Variants in KIAA0825 observed in about 807,000 individuals in gnomAD.
KIAA0825 encodes the protein KIAA0825, also known as uncharacterized protein KIAA0825.
In KIAA0825, 119 loss-of-function variants were observed where a neutral mutation model predicts 147.6. The ratio of observed to expected loss-of-function variants is 0.81; its 90% confidence interval spans 0.69 to 0.94. The LOEUF (loss-of-function observed/expected upper bound fraction) is 0.94, where lower values mean the gene tolerates loss of function less well. Among genes scored for constraint, KIAA0825 ranks in the 40% least tolerant of loss-of-function variants. The probability of loss-of-function intolerance (pLI) is 0.00; values close to 1 mark genes in which losing one functional copy is unlikely to be tolerated. For missense variants in KIAA0825, 1,381 were observed against 1,472.7 expected (o/e 0.94, Z 1.02); for synonymous variants, 470 against 518.1 (o/e 0.91, Z 1.26).
At chr5:94,550,652 C>T (rs940892791) in intron 2 of KIAA0825, among the ~76,000 whole-genome samples, 1 of 152,206 alleles carries the variant, frequency 6.6e-6, no homozygotes, top group Non-Finnish European at 1.5e-5. Flanking sequence ...GCCATCCTGG[C>T]TAACACAGTG....
At chr5:94,430,465 A>G (rs1755519583) in intron 14 of KIAA0825, among the ~76,000 whole-genome samples, 1 of 152,302 alleles carries the variant, frequency 6.6e-6, no homozygotes, top group South Asian at 2.1e-4. Flanking sequence ...ATAGACTTTC[A>G]AGAAATAATG....
intron 2 of KIAA0825, among the ~76,000 whole-genome samples, chr5:94,546,659 G>C (rs1016641157): frequency 1.3e-5 from 2 of 151,936 alleles, no homozygotes; most frequent in African/African-American, 4.8e-5. Flanking sequence ...AAGATTGCAA[G>C]AACCATAGTG....
At chr5:94,326,671 C>G (rs1050359784) in intron 20 of KIAA0825, among the ~76,000 whole-genome samples, 1 of 152,210 alleles carries the variant, frequency 6.6e-6, no homozygotes, top group Non-Finnish European at 1.5e-5. Context: ...AGACACAATA[C>G]TGGTATTCCT....
At chr5:94,600,000 T>TA (rs1384248058) in intron 1 of KIAA0825, among the ~76,000 whole-genome samples, 3 of 152,226 alleles carry the variant, frequency 2.0e-5, no homozygotes, top group African/African-American at 7.2e-5. Context: ...AACTCAATTT[T>TA]AAAATGGCCA....
At chr5:94,439,015 G>C (rs1442573278) in intron 14 of KIAA0825, among the ~76,000 whole-genome samples, 2 of 152,194 alleles carry the variant, frequency 1.3e-5, no homozygotes, top group African/African-American at 4.8e-5. Flanking sequence ...TGGAAGCCAA[G>C]TTGTTTATGG....
chr5:94,550,841 C>CA (rs1312611163), intron 2 of KIAA0825, among the ~76,000 whole-genome samples: 712 of 70,838 alleles, frequency 0.01, 7 homozygotes, highest in African/African-American at 0.029. Flanking sequence ...GACTCTATGT[C>CA]AAAAAAAAAA....
intron 20 of KIAA0825, among the ~76,000 whole-genome samples, chr5:94,356,763 C>T (rs1187619372): frequency 4.3e-5 from 5 of 116,220 alleles, no homozygotes; most frequent in South Asian, 2.7e-4. Flanking sequence ...CTCGCTCTGT[C>T]GCCCACGCTG....
intron 16 of KIAA0825, among the ~76,000 whole-genome samples, chr5:94,400,154 G>A (rs907977676): frequency 2.6e-5 from 4 of 152,092 alleles, no homozygotes; most frequent in African/African-American, 9.7e-5. Context: ...GGTGAAGGCT[G>A]TTGTTGAAAT....
At chr5:94,346,972 C>T (rs1325823789) in intron 20 of KIAA0825, among the ~76,000 whole-genome samples, 2 of 152,090 alleles carry the variant, frequency 1.3e-5, no homozygotes, top group African/African-American at 4.8e-5. Flanking sequence ...GTTGTCGGGT[C>T]ATGATGGGAG....
intron 20 of KIAA0825, among the ~76,000 whole-genome samples, chr5:94,227,438 C>T (rs896005268): frequency 1.1e-4 from 16 of 151,916 alleles, no homozygotes; most frequent in African/African-American, 3.4e-4. Context: ...AGGAGATATA[C>T]TTAATGCTAA....
At chr5:94,317,236 G>C (rs940179283) in intron 20 of KIAA0825, among the ~76,000 whole-genome samples, 1 of 151,754 alleles carries the variant, frequency 6.6e-6, no homozygotes, top group African/African-American at 2.4e-5. Context: ...CCATTTCCCT[G>C]ATGGAAATAA....
At chr5:94,499,590 G>T (rs369168884) in intron 5 of KIAA0825, among the ~76,000 whole-genome samples, 12 of 147,338 alleles carry the variant, frequency 8.1e-5, no homozygotes, top group Admixed American at 6.8e-4. Context: ...CAATCTGGGG[G>T]GGGGGGGGGA....
chr5:94,352,634 G>A (rs549876604), intron 20 of KIAA0825, among the ~76,000 whole-genome samples: 12 of 152,286 alleles, frequency 7.9e-5, no homozygotes, highest in East Asian at 5.8e-4. Context: ...GTTTATAGCC[G>A]CACAATTCAC....
At chr5:94,154,223 T>C in intron 20 of KIAA0825, 99 bp from the exon 21 acceptor site, 1 of 743,416 alleles carries the variant, frequency 1.3e-6, no homozygotes, top group Non-Finnish European at 2.3e-6. Context: ...GCTTATTGAG[T>C]CATCTGTCTC....
intron 20 of KIAA0825, among the ~76,000 whole-genome samples, chr5:94,168,129 C>A (rs1318164845): frequency 2.0e-5 from 3 of 151,428 alleles, no homozygotes; most frequent in Admixed American, 2.0e-4. Context: ...ATAATTATGT[C>A]CAAACTCAAT....
At chr5:94,250,448 C>T (rs1166791605) in intron 20 of KIAA0825, among the ~76,000 whole-genome samples, 1 of 152,042 alleles carries the variant, frequency 6.6e-6, no homozygotes, top group East Asian at 1.9e-4. Context: ...TAATCTTCCA[C>T]AAAGTTAATA....
chr5:94,176,821 A>G (rs1769146569), intron 20 of KIAA0825, among the ~76,000 whole-genome samples: 1 of 152,166 alleles, frequency 6.6e-6, no homozygotes, highest in Non-Finnish European at 1.5e-5. Context: ...TGTTTTATAC[A>G]ACAGAAACAG....
In KIAA0825 at chr5:94,403,644, C is replaced by T. The variant is rs1751678449; in HGVS notation, c.2812G>A (p.Asp938Asn). ...ETNLNKHIVP[D>N]CLLESMPKEW... ...TTTGGCATGCTCTCAAGCAAACAATCAGGAACAATGTGCTTGTTTAGGTTT... is the reference window on the plus strand; with the variant it reads ...TTTGGCATGCTCTCAAGCAAACAATTAGGAACAATGTGCTTGTTTAGGTTT... The change falls in exon 16 of 21, where the codon GAT becomes AAT. Residue 938 changes from aspartate to asparagine, a missense_variant. Asp to Asn is a conservative substitution (Grantham distance 23, BLOSUM62 1). Transcript: ENST00000682413. 6.4e-7 allele frequency: 1 copy of T among 1,551,430 alleles called. No individual in the cohort carries two copies. The highest frequency in any genetic ancestry group is 2.0e-5 in the Admixed American group (1 of 50,976).
At chr5:94,542,977 C>T (rs1180018579) in intron 2 of KIAA0825, among the ~76,000 whole-genome samples, 6 of 152,080 alleles carry the variant, frequency 3.9e-5, no homozygotes, top group African/African-American at 1.4e-4. Context: ...GAACTGGCCT[C>T]ATACCTTGTC....
Sources: allele counts gnomAD v4.1 joint callset (sites outside exome capture counted in the v4.1 genomes callset), GRCh38; gene constraint gnomAD v4.1.1; transcripts MANE v1.5; gene names NCBI Gene and HGNC (gene_info 2026-07-23, HGNC 2026-07-21).